SYVN1: variants seen among roughly 807,000 people sequenced by gnomAD.
The protein encoded by SYVN1 is synoviolin 1.
SYVN1 carries 17 observed loss-of-function variants against 62.6 expected under a neutral mutation model. The observed-to-expected ratio is 0.27, with a 90% CI of 0.19 to 0.41. The LOEUF (loss-of-function observed/expected upper bound fraction) is 0.41. SYVN1 is among the 10% of genes least tolerant of loss of function. The pLI, the probability that SYVN1 is intolerant of heterozygous loss-of-function variation, is 1.00. For missense variants in SYVN1, 634 were observed against 818.0 expected (o/e 0.78, Z 2.74); for synonymous variants, 316 against 304.0 (o/e 1.04, Z -0.41).
chr11:65,132,031 A>G lies in SYVN1; in HGVS notation c.531+217T>C, dbSNP rs565396832. On this transcript the variant is annotated intron_variant, in intron 6 of 15. Coordinates refer to ENST00000377190, the MANE Select transcript of SYVN1 (RefSeq NM_172230.3). Reference sequence around the variant, plus strand: ...CTCCAGGAACCCTCTCCTGAGCCCCAGGTTGGGGCTCCTCCTCTGTCCTAG... The same window carrying G: ...CTCCAGGAACCCTCTCCTGAGCCCCGGGTTGGGGCTCCTCCTCTGTCCTAG... Among the ~76,000 whole-genome samples, 3 of 152,172 alleles carry G rather than the reference A, an allele frequency of 2.0e-5. No individual in the cohort carries two copies. The East Asian group carries it at 5.8e-4, about 29-fold the overall frequency.
At chr11:65,133,995 G>A (rs1948214917) in intron 1 of SYVN1, among the ~76,000 whole-genome samples, 1 of 152,250 alleles carries the variant, frequency 6.6e-6, no homozygotes, top group African/African-American at 2.4e-5. Context: ...TGCTCCAGGG[G>A]CGGGAATGCG....
rs1485810050 is a variant in SYVN1, at chr11:65,128,704, G to A, written c.1606C>T (p.Pro536Ser). ...TCAGTGGAGTTGACTGAAGTGGCAG[G>A]CCGGGGGGGCCTGGGAAGAGAAGGG... Reference protein sequence around the residue: ...TVLASLGPPRPATSVNSTEET... With the variant: ...TVLASLGPPRSATSVNSTEET... Residue 536 changes from proline to serine, a missense_variant, in exon 15 of 16, where the codon CCT becomes TCT. Physicochemically the swap from Pro to Ser is moderately conservative, Grantham distance 74. Around this residue, in one of 2 missense-constraint regions of SYVN1, gnomAD observed 351 missense variants for 373.3 expected, o/e 0.94. Coordinates refer to ENST00000377190, the MANE Select transcript of SYVN1 (RefSeq NM_172230.3). 1 of 1,608,910 alleles carries A rather than the reference G, an allele frequency of 6.2e-7. No homozygotes were observed. The highest frequency in any genetic ancestry group is 8.5e-7 in the Non-Finnish European group (1 of 1,177,616).
chr11:65,129,277 C>A (rs1465633954), intron 14 of SYVN1: 2 of 172,188 alleles, frequency 1.2e-5, no homozygotes, highest in African/African-American at 2.4e-5. Flanking sequence ...GAATTAAGAC[C>A]CCTTTATTCA....
rs779717377 is a variant in SYVN1 at position 65,133,575 on chromosome 11, C to T, written c.27G>A (p.Ala9=). The change falls in exon 2 of 16, where the codon GCG becomes GCA. Residue 9 remains alanine, a synonymous_variant. Coordinates refer to ENST00000377190, the MANE Select transcript of SYVN1 (RefSeq NM_172230.3). The part of the protein sequence containing the change: MFRTAVMM[A]ASLALTGAVV... Reference sequence around the variant, plus strand: ...CAGCCCCGGTCAGCGCCAGGCTGGCCGCCATCATCACTGCCGTGCGGAACA... The same window carrying T: ...CAGCCCCGGTCAGCGCCAGGCTGGCTGCCATCATCACTGCCGTGCGGAACA... 1.9e-6 allele frequency: 3 copies of T among 1,611,712 alleles called. No homozygotes were observed. Among genetic ancestry groups the T allele is most frequent in the Non-Finnish European group, 2.5e-6 (3 of 1,180,020 alleles).
chr11:65,130,163 C>A lies in SYVN1; in HGVS notation c.1247G>T (p.Arg416Leu). The change falls in exon 13 of 16, where the codon CGG becomes CTG. Residue 416 changes from arginine (R) to leucine (L), a missense_variant. Physicochemically the swap from Arg to Leu is moderately radical, Grantham distance 102 (BLOSUM62 -2). This residue lies in a region of SYVN1 where 351 missense variants were observed against 373.3 expected (regional missense o/e 0.94). Transcript: ENST00000377190. ...TGTGGTTGTAGCTGCTCCACTGGGC[C>A]GAGAAAGGGCTGCTGAAGAGCAGGA... ...PPSTSAAALSRPSGAATTTAA... is the reference protein window; with the variant it reads ...PPSTSAAALSLPSGAATTTAA... 6.2e-7 allele frequency: 1 copy of A among 1,604,690 alleles called. No homozygotes were observed. Among genetic ancestry groups the A allele is most frequent in the Non-Finnish European group, 8.5e-7 (1 of 1,174,996 alleles).
chr11:65,132,802 G>T (rs747463581), intron 4 of SYVN1, 22 bp from the exon 5 acceptor site: 9 of 1,613,932 alleles, frequency 5.6e-6, no homozygotes, highest in Non-Finnish European at 7.6e-6. Context: ...CACAGAAGAG[G>T]CCTGTCAGGA....
In SYVN1 at chr11:65,128,295, CAG is replaced by C. The variant is rs771051056; in HGVS notation, c.*85_*86del. Reference sequence around the variant, plus strand: ...TGGGGGTACTACTCCCTGGTGCAGACAGAGAGGGAGCTGGCACTTGGTGGCAG... The same window carrying C: ...TGGGGGTACTACTCCCTGGTGCAGACAGAGGGAGCTGGCACTTGGTGGCAG... On this transcript the variant is annotated 3_prime_UTR_variant, in exon 16 of 16. Transcript: ENST00000377190. 30 of 1,116,296 alleles carry C rather than the reference CAG, an allele frequency of 2.7e-5. No individual in the cohort carries two copies. In the South Asian group the frequency reaches 3.6e-4, roughly 13 times the overall value. 69.1% of individuals were successfully genotyped at this position (1,116,296 alleles called of 1,614,324 possible). A position where few individuals can be genotyped will look rare whatever the true frequency, so the allele number is the denominator to read the frequency against.
intron 14 of SYVN1, 112 bp downstream of exon 14, chr11:65,129,617 A>G (rs188494375): frequency 1.8e-4 from 183 of 1,034,540 alleles, no homozygotes; most frequent in Admixed American, 8.2e-4. Flanking sequence ...GGGCCTGTAG[A>G]TAGGCAGCCT....
chr11:65,132,424 AG>A, intron 5 of SYVN1, 73 bp from the exon 6 acceptor site: 1 of 1,066,634 alleles, frequency 9.4e-7, no homozygotes, highest in Non-Finnish European at 1.4e-6. Context: ...GCTCTAGGAC[AG>A]CCCCACCCTC....
rs902089690 is a variant in SYVN1, at chr11:65,128,346, C to G, written c.*36G>C. 27 of 1,567,244 alleles carry G rather than the reference C, an allele frequency of 1.7e-5. No individual in the cohort carries two copies. The highest frequency in any genetic ancestry group is 2.3e-5 in the Non-Finnish European group (26 of 1,147,494). On this transcript the variant is annotated 3_prime_UTR_variant, in exon 16 of 16. Transcript: ENST00000377190. Reference sequence around the variant, plus strand: ...AGGACATGTTCCAGCGAGGGCTGCTCAAAAGAGCAGAGGCTGGGGCTGGGC... The same window carrying G: ...AGGACATGTTCCAGCGAGGGCTGCTGAAAAGAGCAGAGGCTGGGGCTGGGC...
Position 65,128,638 on chromosome 11 carries a change from T to C in SYVN1, c.1672A>G (p.Ser558Gly). ...GTCGTGGCCTCTGAGCTAGGGATGC[T>C]GGTGGAGGAGGCAGCAGCAACAACT... ...TTVVAAASST[S>G]IPSSEATTPT... The change falls in exon 15 of 16, where the codon AGC (serine) becomes GGC (glycine). Residue 558 changes from serine to glycine, a missense_variant. By Grantham distance (56) the Ser-to-Gly change is moderately conservative. This residue lies in a region of SYVN1 where 351 missense variants were observed against 373.3 expected (regional missense o/e 0.94). Transcript: ENST00000377190. 1 of 1,614,078 alleles carries C rather than the reference T, an allele frequency of 6.2e-7. No individual in the cohort carries two copies. Among genetic ancestry groups the C allele is most frequent in the Non-Finnish European group, 8.5e-7 (1 of 1,179,970 alleles).
chr11:65,132,028 C>T (rs1314313104), intron 6 of SYVN1, among the ~76,000 whole-genome samples: 1 of 152,176 alleles, frequency 6.6e-6, no homozygotes, highest in Non-Finnish European at 1.5e-5. Flanking sequence ...TCTCCTGAGC[C>T]CCAGGTTGGG....
Position 65,128,694 on chromosome 11 carries a change from G to A in SYVN1, c.1616C>T (p.Ser539Leu). 1.2e-6 allele frequency: 2 copies of A among 1,612,180 alleles called. No homozygotes were observed. The highest frequency in any genetic ancestry group is 1.7e-6 in the Non-Finnish European group (2 of 1,179,112). The change falls in exon 15 of 16, where the codon TCA becomes TTA. Residue 539 changes from serine to leucine, a missense_variant. Around this residue, in one of 2 missense-constraint regions of SYVN1, gnomAD observed 351 missense variants for 373.3 expected, o/e 0.94. Transcript: ENST00000377190. ...ASLGPPRPAT[S>L]VNSTEETATT... Reference sequence around the variant, plus strand: ...GGCAGTCTCCTCAGTGGAGTTGACTGAAGTGGCAGGCCGGGGGGGCCTGGG... The same window carrying A: ...GGCAGTCTCCTCAGTGGAGTTGACTAAAGTGGCAGGCCGGGGGGGCCTGGG...
At chr11:65,131,408 A>G (rs1480050518) in intron 7 of SYVN1, 35 bp from the exon 8 acceptor site, 4 of 1,613,888 alleles carry the variant, frequency 2.5e-6, no homozygotes. Context: ...AGCAGGTCAC[A>G]GGGCCAGGAG....
rs1354234057 is a variant in SYVN1 at position 65,127,314 on chromosome 11, A to T, written c.*1068T>A. 4 of 423,080 alleles carry T rather than the reference A, an allele frequency of 9.5e-6. No homozygotes were observed. Among genetic ancestry groups the T allele is most frequent in the Non-Finnish European group, 1.7e-5 (4 of 239,064 alleles). The allele number at this position is 423,080 out of a possible 1,614,324, so 26.2% of individuals were successfully genotyped here. A position where few individuals can be genotyped will look rare whatever the true frequency, so the allele number is the denominator to read the frequency against. ...AAGTTTTTATTTGGCTGTATATACA[A>T]TTTAAGCTATTAAAATTTGTACAAT... On this transcript the variant is annotated 3_prime_UTR_variant, in exon 16 of 16. Transcript: ENST00000377190.
chr11:65,131,678 C>G (rs945791028), intron 6 of SYVN1, 82 bp from the exon 7 acceptor site: 1 of 1,524,678 alleles, frequency 6.6e-7, no homozygotes, highest in African/African-American at 1.4e-5. Flanking sequence ...GGCCTCTGCA[C>G]AGCAGGTGCA....
Position 65,131,005 on chromosome 11 carries a change from C to T in SYVN1, c.856G>A (p.Ala286Thr), listed in dbSNP as rs1294874694. 9 of 1,614,040 alleles carry T rather than the reference C, an allele frequency of 5.6e-6. No individual in the cohort carries two copies. The highest frequency in any genetic ancestry group is 2.2e-5 in the South Asian group (2 of 91,092). The change falls in exon 10 of 16, where the codon GCA becomes ACA. Residue 286 changes from alanine (A) to threonine (T), a missense_variant. Physicochemically the swap from Ala to Thr is moderately conservative, Grantham distance 58 (BLOSUM62 0). This residue lies in a region of SYVN1 where 283 missense variants were observed against 444.7 expected (regional missense o/e 0.64). Coordinates refer to ENST00000377190, the MANE Select transcript of SYVN1 (RefSeq NM_172230.3). ...YPDATPEELQ[A>T]MDNVCIICRE... ...CAGATGATGCAGACATTGTCCATTG[C>T]CTGGAGCTCCTCTGGGGTGGCATCT... is the stretch of plus-strand genomic sequence containing the variant.
Position 65,131,038 on chromosome 11 carries a change from T to C in SYVN1, c.825-2A>G, listed in dbSNP as rs1422988553. The stretch of plus-strand genomic sequence containing the variant: ...TCCTCTGGGGTGGCATCTGGATACC[T>C]GGTTAGGATGACAGGGGCTGTATCA... On this transcript the variant is annotated splice_acceptor_variant, in intron 9 of 15. Coordinates refer to ENST00000377190, the MANE Select transcript of SYVN1 (RefSeq NM_172230.3). LOFTEE classifies it high-confidence loss of function. 6.8e-6 allele frequency: 11 copies of C among 1,614,052 alleles called. No homozygotes were observed. The highest frequency in any genetic ancestry group is 2.2e-5 in the East Asian group (1 of 44,888).
At position 65,128,353 on chromosome 11, in the gene SYVN1, G is replaced by A. The variant is rs773116602; in HGVS notation, c.*29C>T. The stretch of plus-strand genomic sequence containing the variant: ...GTTCCAGCGAGGGCTGCTCAAAAGA[G>A]CAGAGGCTGGGGCTGGGCTGGGGCA... On this transcript the variant is annotated 3_prime_UTR_variant, in exon 16 of 16. Coordinates refer to ENST00000377190, the MANE Select transcript of SYVN1 (RefSeq NM_172230.3). 1 of 1,581,982 alleles carries A rather than the reference G, an allele frequency of 6.3e-7. No homozygotes were observed. The highest frequency in any genetic ancestry group is 1.3e-5 in the African/African-American group (1 of 74,356).
Sources: gnomAD v4.1 joint callset for allele counts (sites outside exome capture counted in the v4.1 genomes callset) on GRCh38, gnomAD v4.1.1 for gene constraint, gnomAD v4.1.1 regional missense constraint, MANE v1.5 for transcripts, NCBI Gene and HGNC (gene_info 2026-07-23, HGNC 2026-07-21) for gene names.